The following LYST variants were observed in gnomAD, a reference collection of about 807,000 sequenced individuals.
LYST encodes the protein lysosomal-trafficking regulator.
Under a neutral mutation model 413.6 loss-of-function variants are expected in LYST, and 192 were observed. The ratio of observed to expected loss-of-function variants is 0.46; its 90% confidence interval spans 0.41 to 0.52. The LOEUF (loss-of-function observed/expected upper bound fraction) is 0.52. Among genes scored for constraint, LYST ranks in the 20% least tolerant of loss-of-function variants. The pLI is 0.00. For missense variants in LYST, 3,815 were observed against 4,499.9 expected, an observed-to-expected ratio of 0.85 and a Z score of 4.35; for synonymous variants, 1,525 against 1,567.3, an observed-to-expected ratio of 0.97 and a Z score of 0.64.
rs917669178 is a variant in LYST, at chr1:235,762,864, T to A, written c.6122-13A>T. The A allele has an allele frequency of 6.3e-7, 1 of 1,578,736 alleles. No individual in the cohort carries two copies. Among genetic ancestry groups the A allele is most frequent in the Non-Finnish European group, 8.6e-7 (1 of 1,161,862 alleles). On this transcript the variant is annotated splice_polypyrimidine_tract_variant and intron_variant, in intron 21 of 52. Transcript: ENST00000389793. ...AAGATCTTGCCATCTAGAATCCAAA[T>A]TTTTTTTGAAACAGCAAAATTTTTA...
rs974877871 is a variant in LYST at position 235,783,876 on chromosome 1, C to CT, written c.4863-1790dup. The stretch of plus-strand genomic sequence containing the variant: ...CTTCAAATGTATTCTTTTAGAAATT[C>CT]TTTTTTTTTTTCTTTTAAATTGAGA... On this transcript the variant is annotated intron_variant, in intron 14 of 52. Coordinates refer to ENST00000389793, the MANE Select transcript of LYST (RefSeq NM_000081.4). 1.7e-4 allele frequency among the ~76,000 whole-genome samples: 17 copies of CT among 102,658 alleles called. 1 individual carries two copies. The highest frequency in any genetic ancestry group is 1.4e-3 in the East Asian group (7 of 5,004). The allele number at this position is 102,658 out of a possible 152,430, so 67.3% of individuals were successfully genotyped here. A position where few individuals can be genotyped will look rare whatever the true frequency, so the allele number is the denominator to read the frequency against.
intron 46 of LYST, among the ~76,000 whole-genome samples, chr1:235,695,789 C>T (rs370871996): frequency 5.3e-5 from 8 of 151,820 alleles, no homozygotes; most frequent in East Asian, 3.9e-4. Context: ...CCCGCCACCA[C>T]GCCCGGCTAA....
At chr1:235,848,003 G>T (rs1294061936) in intron 1 of LYST, among the ~76,000 whole-genome samples, 2 of 152,054 alleles carry the variant, frequency 1.3e-5, no homozygotes, top group African/African-American at 2.4e-5. Context: ...AAGAAACAAT[G>T]AATTTAAACT....
At chr1:235,747,145 T>TAC in intron 28 of LYST, 1 of 365,688 alleles carries the variant, frequency 2.7e-6, no homozygotes, top group South Asian at 2.0e-5. Flanking sequence ...CAGAGAGGAG[T>TAC]GGCATTCCTG....
At chr1:235,725,042 T>C (rs1364833908) in intron 38 of LYST, among the ~76,000 whole-genome samples, 2 of 152,226 alleles carry the variant, frequency 1.3e-5, no homozygotes, top group African/African-American at 4.8e-5. Context: ...CCTGGGCCCC[T>C]AGAATCAGGG....
In LYST at chr1:235,876,184, C is replaced by T. The variant is rs561176964; in HGVS notation, n.454+7003G>A. Among the ~76,000 whole-genome samples, 15 of 151,864 alleles carry T rather than the reference C, an allele frequency of 9.9e-5. No individual in the cohort carries two copies. The East Asian group carries it at 1.6e-3, about 16-fold the overall frequency. On this transcript the variant is annotated intron_variant and non_coding_transcript_variant, in intron 1 of 11. Transcript: ENST00000465349. ...TTGCAGTGAGCCGAGATCATGTCAC[C>T]GCACTCCATCCTGGGTGACAGAGTG...
chr1:235,790,634 A>C (rs1434196073), intron 12 of LYST, among the ~76,000 whole-genome samples: 1 of 152,184 alleles, frequency 6.6e-6, no homozygotes, highest in African/African-American at 2.4e-5. Flanking sequence ...TGTACATATA[A>C]AACCCTAAAC....
chr1:235,840,341 T>C (rs1677073163), intron 1 of LYST, among the ~76,000 whole-genome samples: 1 of 152,194 alleles, frequency 6.6e-6, no homozygotes, highest in South Asian at 2.1e-4. Flanking sequence ...CAGCTCAAGT[T>C]GTCACTGAAG....
At chr1:235,720,147 C>G (rs1663228094) in intron 40 of LYST, among the ~76,000 whole-genome samples, 1 of 131,998 alleles carries the variant, frequency 7.6e-6, no homozygotes, top group African/African-American at 3.0e-5. Flanking sequence ...TGCACTCCAG[C>G]CTGGTGACAG....
chr1:235,740,837 T>C (rs1441615697), intron 31 of LYST, among the ~76,000 whole-genome samples: 3 of 152,182 alleles, frequency 2.0e-5, no homozygotes, highest in African/African-American at 2.4e-5. Context: ...TGGAGTAACA[T>C]GGTGACAAGT....
intron 14 of LYST, among the ~76,000 whole-genome samples, chr1:235,783,491 G>C (rs1670082802): frequency 6.6e-6 from 1 of 152,086 alleles, no homozygotes; most frequent in African/African-American, 2.4e-5. Context: ...CGGGTGTTGG[G>C]GCAAGGGGAG....
rs765542988 is a variant in LYST at position 235,664,426 on chromosome 1, T to A, written c.11195+39A>T. 1 of 1,591,996 alleles carries A rather than the reference T, an allele frequency of 6.3e-7. No homozygotes were observed. The highest frequency in any genetic ancestry group is 8.6e-7 in the Non-Finnish European group (1 of 1,160,346). ...AATTTCTGAAACTCCTGTGTCCTTA[T>A]GAATGAAATCAAAAAAAGAGAATCC... On this transcript the variant is annotated intron_variant, in intron 51 of 52. Transcript: ENST00000389793. This position sits in a 1 kb window ranked among gnomAD's most constrained non-coding sequence, Gnocchi z 4.5.
At chr1:235,753,639 G>T (rs1486400378) in intron 25 of LYST, among the ~76,000 whole-genome samples, 1 of 152,172 alleles carries the variant, frequency 6.6e-6, no homozygotes, top group Non-Finnish European at 1.5e-5. Flanking sequence ...TTGAGAGACA[G>T]TGAGCTAGTA....
chr1:235,733,965 TCA>T, intron 32 of LYST, 59 bp from the exon 33 acceptor site: 1 of 847,266 alleles, frequency 1.2e-6, no homozygotes, highest in Non-Finnish European at 1.8e-6. Context: ...CCTAACATTG[TCA>T]CAGAGCCCAA....
At chr1:235,824,759 C>T (rs574640488) in intron 3 of LYST, among the ~76,000 whole-genome samples, 4 of 152,286 alleles carry the variant, frequency 2.6e-5, no homozygotes, top group East Asian at 3.9e-4. Context: ...CAGTGGCTCA[C>T]GCCTGTAATC....
chr1:235,663,964 A>T lies in LYST; in HGVS notation c.11267+20T>A. 1 of 1,563,026 alleles carries T rather than the reference A, an allele frequency of 6.4e-7. No individual in the cohort carries two copies. The highest frequency in any genetic ancestry group is 1.1e-5 in the South Asian group (1 of 89,982). On this transcript the variant is annotated intron_variant, in intron 52 of 52. Transcript: ENST00000389793. Reference sequence around the variant, plus strand: ...ATCACAAATTGTATTCTGAAGCATAAGAGGGGGAGAAGATCTTACCTGATG... The same window carrying T: ...ATCACAAATTGTATTCTGAAGCATATGAGGGGGAGAAGATCTTACCTGATG...
intron 1 of LYST, among the ~76,000 whole-genome samples, chr1:235,875,807 C>T (rs1449810816): frequency 1.3e-5 from 2 of 152,140 alleles, no homozygotes; most frequent in Admixed American, 6.6e-5. Flanking sequence ...GTACTCAAGC[C>T]TGGGTGACAG....
chr1:235,718,557 C>T (rs1663055385), intron 40 of LYST, among the ~76,000 whole-genome samples: 1 of 152,078 alleles, frequency 6.6e-6, no homozygotes, highest in South Asian at 2.1e-4. Flanking sequence ...CCACTGCGCC[C>T]AGCTTAAATC....
intron 14 of LYST, 82 bp downstream of exon 14, chr1:235,787,118 T>C (rs1670505821): frequency 9.4e-7 from 1 of 1,065,664 alleles, no homozygotes; most frequent in Non-Finnish European, 1.5e-6. Context: ...GTTTCTGTAT[T>C]CTGTTTCAGA....
Sources: gnomAD v4.1 joint callset for allele counts (sites outside exome capture counted in the v4.1 genomes callset) on GRCh38, gnomAD v4.1.1 for gene constraint, Gnocchi (gnomAD v3.1) non-coding constraint, MANE v1.5 for transcripts, NCBI Gene and HGNC (gene_info 2026-07-23, HGNC 2026-07-21) for gene names.